The following FAAH variants were observed in gnomAD, a reference collection of about 807,000 sequenced individuals.
FAAH encodes fatty acid amide hydrolase, also known as fatty-acid amide hydrolase 1.
Under a neutral mutation model 69.7 loss-of-function variants are expected in FAAH, and 63 were observed. The observed-to-expected ratio is 0.90, with a 90% confidence interval of 0.74 to 1.12. The LOEUF is 1.12. FAAH is among the 50% of genes most tolerant of loss of function. The probability of loss-of-function intolerance (pLI) is 0.00; values close to 1 mark genes in which losing one functional copy is unlikely to be tolerated. For missense variants in FAAH, 680 were observed against 755.0 expected (o/e 0.90, Z 1.16); for synonymous variants, 305 against 324.2 (o/e 0.94, Z 0.64).
rs781740203 is a variant in FAAH at position 46,413,107 on chromosome 1, C to G, written c.1498C>G (p.Leu500Val). ...CAGCTACACTATGCTGTACAACTGC[C>G]TGGACTTCCCTGCAGGGGTGGTGCC... ...AVSYTMLYNC[L>V]DFPAGVVPVT... The change falls in exon 14 of 15, where the codon CTG (leucine) becomes GTG (valine). Residue 500 changes from leucine to valine, a missense_variant. Physicochemically the swap from Leu to Val is conservative, Grantham distance 32 (BLOSUM62 1). Coordinates refer to ENST00000243167, the MANE Select transcript of FAAH (RefSeq NM_001441.3). 3.1e-6 allele frequency: 5 copies of G among 1,614,064 alleles called. No individual in the cohort carries two copies. The African/African-American group carries it at 6.7e-5, about 22-fold the overall frequency.
At chr1:46,403,507 T>C (rs753211980) in intron 2 of FAAH, among the ~76,000 whole-genome samples, 6 of 152,194 alleles carry the variant, frequency 3.9e-5, no homozygotes, top group Non-Finnish European at 7.4e-5. Context: ...TCAGGTGCCC[T>C]CTTGTGTCCC....
intron 7 of FAAH, 100 bp downstream of exon 7, chr1:46,406,468 T>A: frequency 6.5e-7 from 1 of 1,542,340 alleles, no homozygotes; most frequent in Non-Finnish European, 8.8e-7. Context: ...CTGAGAACCG[T>A]CCCCCAGGCC....
chr1:46,413,231 A>G lies in FAAH; in HGVS notation c.1611+11A>G, dbSNP rs77196763. Reference sequence around the variant, plus strand: ...AAGATGCTGCAGAAGGTGAGGACTGACCTGCCCCTCAACTGGACTCACTCC... The same window carrying G: ...AAGATGCTGCAGAAGGTGAGGACTGGCCTGCCCCTCAACTGGACTCACTCC... On this transcript the variant is annotated intron_variant, in intron 14 of 14. Coordinates refer to ENST00000243167, the MANE Select transcript of FAAH (RefSeq NM_001441.3). The G allele has an allele frequency of 1.7e-3, 2,783 of 1,614,004 alleles. 31 individuals are homozygous for G. The East Asian group carries it at 0.021, about 12-fold the overall frequency.
chr1:46,403,433 T>C (rs2148447827), intron 2 of FAAH, among the ~76,000 whole-genome samples: 1 of 152,272 alleles, frequency 6.6e-6, no homozygotes, highest in East Asian at 1.9e-4. Context: ...CCTGTCTCCA[T>C]CCCCTTTGGC....
intron 1 of FAAH, among the ~76,000 whole-genome samples, chr1:46,401,362 C>CA (rs551560933): frequency 1.3e-5 from 2 of 152,230 alleles, no homozygotes; most frequent in Admixed American, 1.3e-4. Flanking sequence ...CTGGAACACT[C>CA]ACTGTGAGGG....
rs757729411 is a variant in FAAH at position 46,402,163 on chromosome 1, G to A, written c.268G>A (p.Glu90Lys). Residue 90 changes from glutamate (E) to lysine (K), a missense_variant, in exon 2 of 15, where the codon GAG becomes AAG. Coordinates refer to ENST00000243167, the MANE Select transcript of FAAH (RefSeq NM_001441.3). The part of the protein sequence containing the change: ...PQLVQKLHSR[E>K]LAPEAVLFTY... ...GCTGGTGCAGAAGTTACACAGTAGA[G>A]AGCTGGCCCCTGAGGCCGTGCTCTT... 6.2e-7 allele frequency: 1 copy of A among 1,609,204 alleles called. No homozygotes were observed. The highest frequency in any genetic ancestry group is 1.1e-5 in the South Asian group (1 of 89,966).
Position 46,410,977 on chromosome 1 carries a change from CAG to C in FAAH, c.1316+124_1316+125del. 1.7e-6 allele frequency: 2 copies of C among 1,203,856 alleles called. No homozygotes were observed. Among genetic ancestry groups the C allele is most frequent in the Non-Finnish European group, 2.4e-6 (2 of 817,614 alleles). The allele number at this position is 1,203,856 out of a possible 1,614,324, so 74.6% of individuals were successfully genotyped here. The stretch of plus-strand genomic sequence containing the variant: ...CCTCTGAGGCTGGAAGTGGCCCAGG[CAG>C]GGGGGCAACCTTTGTGGCCTTCAGA... On this transcript the variant is annotated intron_variant, in intron 11 of 14. Transcript: ENST00000243167. The surrounding 1 kb of genome is among the most constrained non-coding windows in gnomAD (Gnocchi z 4.9).
chr1:46,402,210 G>A lies in FAAH; in HGVS notation c.309+6G>A. 1 of 1,569,426 alleles carries A rather than the reference G, an allele frequency of 6.4e-7. No homozygotes were observed. On this transcript the variant is annotated splice_donor_region_variant and intron_variant, in intron 2 of 14. Coordinates refer to ENST00000243167, the MANE Select transcript of FAAH (RefSeq NM_001441.3). ...TCTTCACCTATGTGGGAAAGGTAAGGCCAGCCAAGGCCAGCCCCTCCCTGG... is the reference window on the plus strand; with the variant it reads ...TCTTCACCTATGTGGGAAAGGTAAGACCAGCCAAGGCCAGCCCCTCCCTGG...
Position 46,405,042 on chromosome 1 carries a change from G to A in FAAH, c.338G>A (p.Cys113Tyr). Residue 113 changes from cysteine (C) to tyrosine (Y), a missense_variant, in exon 3 of 15, where the codon TGT becomes TAT. Cys to Tyr is a radical substitution (Grantham distance 194, BLOSUM62 -2). Transcript: ENST00000243167. This position sits in a 1 kb window ranked among gnomAD's most constrained non-coding sequence, Gnocchi z 4.1. ...TGGGAAGTGAACAAAGGGACCAACT[G>A]TGTGACCTCCTATCTGGCTGACTGT... ...KAWEVNKGTNCVTSYLADCET... is the reference protein window; with the variant it reads ...KAWEVNKGTNYVTSYLADCET... 6.2e-7 allele frequency: 1 copy of A among 1,614,116 alleles called. No individual in the cohort carries two copies. Among genetic ancestry groups the A allele is most frequent in the Non-Finnish European group, 8.5e-7 (1 of 1,180,036 alleles).
chr1:46,402,044 A>G (rs199670228), intron 1 of FAAH, 47 bp from the exon 2 acceptor site: 3 of 1,509,824 alleles, frequency 2.0e-6, no homozygotes, highest in Non-Finnish European at 2.7e-6. Flanking sequence ...CTGCAGGCCC[A>G]TGAGACTTCG....
At chr1:46,396,844 A>G (rs1184116769) in intron 1 of FAAH, among the ~76,000 whole-genome samples, 3 of 150,214 alleles carry the variant, frequency 2.0e-5, no homozygotes, top group East Asian at 1.9e-4. Context: ...TTCCCCACAC[A>G]TGTGTTGCGG....
chr1:46,401,187 T>A (rs1410157430), intron 1 of FAAH, among the ~76,000 whole-genome samples: 11 of 101,862 alleles, frequency 1.1e-4, no homozygotes, highest in Non-Finnish European at 2.3e-4. Context: ...AGAAGCAGGG[T>A]TGGAGGGGTG....
chr1:46,407,158 C>T (rs1381650176), intron 7 of FAAH, among the ~76,000 whole-genome samples: 1 of 151,984 alleles, frequency 6.6e-6, no homozygotes, highest in Non-Finnish European at 1.5e-5. Flanking sequence ...ACCACAGCAG[C>T]CTGTTGCTGA....
Position 46,413,747 on chromosome 1 carries a change from C to T in FAAH, c.*172C>T. ...CGACTCCCTGAGTCTGGACCTCCATCCCTGCTCTGGTCCCCTCTCTTCGTC... is the reference window on the plus strand; with the variant it reads ...CGACTCCCTGAGTCTGGACCTCCATTCCTGCTCTGGTCCCCTCTCTTCGTC... On this transcript the variant is annotated 3_prime_UTR_variant, in exon 15 of 15. Transcript: ENST00000243167. The T allele has an allele frequency of 2.3e-6, 2 of 885,114 alleles. No homozygotes were observed. The highest frequency in any genetic ancestry group is 3.5e-6 in the Non-Finnish European group (2 of 566,928). The allele number at this position is 885,114 out of a possible 1,614,324, so 54.8% of individuals were successfully genotyped here. A position where few individuals can be genotyped will look rare whatever the true frequency, so the allele number is the denominator to read the frequency against.
At position 46,410,794 on chromosome 1, in the gene FAAH, C is replaced by G. The variant is rs944632896; in HGVS notation, c.1276-20C>G. ...CGTGGCCCAGAGCTGAGTCACCGAC[C>G]CTGCGTCTGTCCTGTGCAGCTGCCA... is the stretch of plus-strand genomic sequence containing the variant. On this transcript the variant is annotated intron_variant, in intron 10 of 14. Transcript: ENST00000243167. The surrounding 1 kb of genome is among the most constrained non-coding windows in gnomAD (Gnocchi z 4.9). 11 of 1,614,154 alleles carry G rather than the reference C, an allele frequency of 6.8e-6. No homozygotes were observed. The highest frequency in any genetic ancestry group is 9.3e-6 in the Non-Finnish European group (11 of 1,180,010).
In FAAH at chr1:46,413,704, A is replaced by G. The variant is rs1328007564; in HGVS notation, c.*129A>G. ...AGAGGCTTCCGTGTCCTCTCCCCCA[A>G]CCCCCTGCAAGAAGCGCCGACTCCC... On this transcript the variant is annotated 3_prime_UTR_variant, in exon 15 of 15. Transcript: ENST00000243167. 7 of 1,377,026 alleles carry G rather than the reference A, an allele frequency of 5.1e-6. No homozygotes were observed. The highest frequency in any genetic ancestry group is 7.1e-6 in the Non-Finnish European group (7 of 992,452). 85.3% of individuals were successfully genotyped at this position (1,377,026 alleles called of 1,614,324 possible).
intron 1 of FAAH, among the ~76,000 whole-genome samples, chr1:46,400,907 A>C (rs1664688234): frequency 1.8e-4 from 1 of 5,644 alleles, no homozygotes; most frequent in Non-Finnish European, 3.3e-4. Context: ...GAGAAGGGAA[A>C]GGAAGGGGAG....
rs1287880315 is a variant in FAAH, at chr1:46,409,159, G to C, written c.1136G>C (p.Gly379Ala). Residue 379 changes from glycine to alanine, a missense_variant, in exon 9 of 15, where the codon GGG becomes GCG. Physicochemically the swap from Gly to Ala is moderately conservative, Grantham distance 60 (BLOSUM62 0). Coordinates refer to ENST00000243167, the MANE Select transcript of FAAH (RefSeq NM_001441.3). ...GCTCTGGAGACCCTGTCAACAGGTG[G>C]GCTCTTCAGTGATGGTGGCCACACC... ...PHALETLSTG[G>A]LFSDGGHTFL... The C allele has an allele frequency of 1.2e-6, 2 of 1,613,860 alleles. No homozygotes were observed.
rs1337124873 is a variant in FAAH at position 46,413,183 on chromosome 1, G to A, written c.1574G>A (p.Gly525Asp). 1 of 1,614,188 alleles carries A rather than the reference G, an allele frequency of 6.2e-7. No homozygotes were observed. The highest frequency in any genetic ancestry group is 8.5e-7 in the Non-Finnish European group (1 of 1,180,022). ...EDEAQMEHYR[G>D]YFGDIWDKML... ...GAGGCCCAGATGGAACATTACAGGG[G>A]CTACTTTGGGGATATCTGGGACAAG... Residue 525 changes from glycine (G) to aspartate (D), a missense_variant, in exon 14 of 15, where the codon GGC (glycine) becomes GAC (aspartate). Physicochemically the swap from Gly to Asp is moderately conservative, Grantham distance 94. Transcript: ENST00000243167.
Sources: gnomAD v4.1 joint callset for allele counts (sites outside exome capture counted in the v4.1 genomes callset) on GRCh38, gnomAD v4.1.1 for gene constraint, Gnocchi (gnomAD v3.1) non-coding constraint, MANE v1.5 for transcripts, NCBI Gene and HGNC (gene_info 2026-07-23, HGNC 2026-07-21) for gene names.